EPHB2: variants seen among roughly 807,000 people sequenced by gnomAD.
The protein encoded by EPHB2 is ephrin type-B receptor 2.
Under a neutral mutation model 96.4 loss-of-function variants are expected in EPHB2, and 18 were observed. That is an observed-to-expected ratio of 0.19 (90% CI 0.13 to 0.28). EPHB2 has a LOEUF of 0.28. EPHB2 is among the 10% of genes least tolerant of loss of function. The pLI, the probability that EPHB2 is intolerant of heterozygous loss-of-function variation, is 1.00. For missense variants in EPHB2, 989 were observed against 1,355.4 expected, an observed-to-expected ratio of 0.73 and a Z score of 4.25; for synonymous variants, 506 against 534.1, an observed-to-expected ratio of 0.95 and a Z score of 0.72.
rs769527460 is a variant in EPHB2 at position 22,910,616 on chromosome 1, CCT to C, written c.2696+44_2696+45del. On this transcript the variant is annotated intron_variant, in intron 14 of 15. Transcript: ENST00000374630. ...GGCCCTGCCCCAGCCAGGCCCTGCC[CCT>C]CTTCCCGTCTCCCATCCCTTCTGCC... The C allele has an allele frequency of 2.5e-6, 4 of 1,608,118 alleles. No individual in the cohort carries two copies. The African/African-American group carries it at 5.3e-5, about 21-fold the overall frequency.
intron 1 of EPHB2, among the ~76,000 whole-genome samples, chr1:22,768,941 C>G (rs549684732): frequency 1.3e-5 from 2 of 152,320 alleles, no homozygotes; most frequent in Admixed American, 1.3e-4. Context: ...TGGGAAGTCT[C>G]CTCTAACCTC....
chr1:22,744,154 G>C (rs1269382139), intron 1 of EPHB2, among the ~76,000 whole-genome samples: 1 of 126,636 alleles, frequency 7.9e-6, no homozygotes, highest in Admixed American at 8.9e-5. Flanking sequence ...GTAAGAGTAT[G>C]AATAAAATCA....
chr1:22,829,330 C>T (rs920873152), intron 3 of EPHB2, among the ~76,000 whole-genome samples: 6 of 152,210 alleles, frequency 3.9e-5, no homozygotes, highest in East Asian at 1.9e-4. Context: ...TCCCGGTCAG[C>T]GTCTCTCCTT....
intron 1 of EPHB2, among the ~76,000 whole-genome samples, chr1:22,737,394 C>G (rs1420971074): frequency 1.3e-5 from 2 of 152,188 alleles, no homozygotes; most frequent in Non-Finnish European, 2.9e-5. Flanking sequence ...CTCTGCCTGT[C>G]CTTGTCATCC....
At chr1:22,732,537 G>A (rs963510723) in intron 1 of EPHB2, among the ~76,000 whole-genome samples, 3 of 152,122 alleles carry the variant, frequency 2.0e-5, no homozygotes, top group African/African-American at 4.8e-5. Context: ...CCCTCAGTGC[G>A]CGTGTGCACA....
intron 1 of EPHB2, among the ~76,000 whole-genome samples, chr1:22,758,053 G>A (rs560347866): frequency 1.5e-4 from 22 of 145,136 alleles, no homozygotes; most frequent in South Asian, 1.1e-3. Flanking sequence ...CGAGTAGCTG[G>A]GACTACAGGC....
chr1:22,736,693 A>G (rs566035177), intron 1 of EPHB2, among the ~76,000 whole-genome samples: 4 of 152,330 alleles, frequency 2.6e-5, no homozygotes, highest in African/African-American at 7.2e-5. Flanking sequence ...TGGCAGGGTC[A>G]CTGTGGATAA....
At chr1:22,839,579 G>T (rs1437730509) in intron 3 of EPHB2, among the ~76,000 whole-genome samples, 18 of 152,198 alleles carry the variant, frequency 1.2e-4, no homozygotes, top group Admixed American at 1.0e-3. Flanking sequence ...CAAGGACAGG[G>T]TTAGGGGGCA....
intron 3 of EPHB2, among the ~76,000 whole-genome samples, chr1:22,831,812 G>T (rs573510551): frequency 2.0e-5 from 3 of 152,238 alleles, no homozygotes; most frequent in Admixed American, 1.3e-4. Flanking sequence ...CTCTTCAAGG[G>T]CTCAAGAGGG....
At chr1:22,896,956 C>T (rs1516526) in intron 9 of EPHB2, among the ~76,000 whole-genome samples, 80,303 of 152,086 alleles carry the variant, frequency 0.53, 21,906 homozygotes, top group African/African-American at 0.64. Flanking sequence ...ATGAATCAAA[C>T]TGAATAAATA....
chr1:22,863,368 C>A, intron 4 of EPHB2, 176 bp downstream of exon 4: 1 of 930,082 alleles, frequency 1.1e-6, no homozygotes, highest in Non-Finnish European at 1.6e-6. Context: ...TCCCACCTTG[C>A]AGACACCACA....
chr1:22,835,775 G>A (rs1291932208), intron 3 of EPHB2: 1 of 152,258 alleles, frequency 6.6e-6, no homozygotes, highest in African/African-American at 2.4e-5. Flanking sequence ...CAGTCTGTGT[G>A]AGCTCATTTT....
rs531080758 is a variant in EPHB2 at position 22,851,326 on chromosome 1, A to G, written c.812-11711A>G. Among the ~76,000 whole-genome samples, 4 of 152,274 alleles carry G rather than the reference A, an allele frequency of 2.6e-5. No individual in the cohort carries two copies. The East Asian group carries it at 7.7e-4, about 29-fold the overall frequency. On this transcript the variant is annotated intron_variant, in intron 3 of 15. Transcript: ENST00000374630. The stretch of plus-strand genomic sequence containing the variant: ...TGGTTTTTACTCCAAGTGAGATGGA[A>G]ACTGTTGGAGGCCTTTGGGCGACAT...
chr1:22,775,195 T>C (rs1561624), intron 1 of EPHB2: 1 of 779,488 alleles, frequency 1.3e-6, no homozygotes, highest in African/African-American at 1.7e-5. Flanking sequence ...GTTGTGAAAA[T>C]AGATGGATGT....
At chr1:22,726,164 C>T (rs1219436792) in intron 1 of EPHB2, among the ~76,000 whole-genome samples, 1 of 152,192 alleles carries the variant, frequency 6.6e-6, no homozygotes, top group African/African-American at 2.4e-5. Context: ...AATTATATCC[C>T]AGTAGAGGTG....
intron 3 of EPHB2, among the ~76,000 whole-genome samples, chr1:22,794,426 C>T (rs1644739237): frequency 6.6e-6 from 1 of 152,106 alleles, no homozygotes; most frequent in Non-Finnish European, 1.5e-5. Context: ...GAGAGAAAAG[C>T]CCCCAGTCTG....
intron 1 of EPHB2, among the ~76,000 whole-genome samples, chr1:22,775,846 C>T (rs1455886794): frequency 6.6e-6 from 1 of 152,202 alleles, no homozygotes; most frequent in African/African-American, 2.4e-5. Context: ...TGCCTGGATG[C>T]TAAGAATCTG....
chr1:22,732,469 A>T (rs1036677333), intron 1 of EPHB2, among the ~76,000 whole-genome samples: 1 of 152,200 alleles, frequency 6.6e-6, no homozygotes, highest in African/African-American at 2.4e-5. Context: ...GAGTATTTTT[A>T]AAATGCCTTG....
intron 3 of EPHB2, among the ~76,000 whole-genome samples, chr1:22,826,152 G>A (rs1029844267): frequency 6.6e-6 from 1 of 152,180 alleles, no homozygotes; most frequent in African/African-American, 2.4e-5. Flanking sequence ...TTGGAGTGAG[G>A]AAGCAGGAGG....
Sources: gnomAD v4.1 joint callset for allele counts (sites outside exome capture counted in the v4.1 genomes callset) on GRCh38, gnomAD v4.1.1 for gene constraint, MANE v1.5 for transcripts, NCBI Gene and HGNC (gene_info 2026-07-23, HGNC 2026-07-21) for gene names.